Variants in UGT2B4 observed in about 807,000 individuals in gnomAD.
UGT2B4 encodes UDP-glucuronosyltransferase 2B4.
UGT2B4 carries 49 observed loss-of-function variants against 49.8 expected under a neutral mutation model. The observed-to-expected ratio is 0.98, with a 90% CI of 0.78 to 1.25. The LOEUF (loss-of-function observed/expected upper bound fraction) is 1.25, where lower values mean the gene tolerates loss of function less well. Among genes scored for constraint, UGT2B4 ranks in the 50% most tolerant of loss-of-function variants. The pLI is 0.00. For synonymous variants in UGT2B4, 246 were observed against 217.7 expected (o/e 1.13, Z -1.14); for missense variants, 729 against 627.7 (o/e 1.16, Z -1.73).
chr4:69,511,173 A>G (rs1249579523), intron 1 of UGT2B4, among the ~76,000 whole-genome samples: 1 of 151,718 alleles, frequency 6.6e-6, no homozygotes, highest in Non-Finnish European at 1.5e-5. Context: ...GTGTTTTAGT[A>G]GAGATGGGAT....
At chr4:69,486,434 T>C (rs565748476) in intron 4 of UGT2B4, 175 bp downstream of exon 4, 4 of 361,076 alleles carry the variant, frequency 1.1e-5, no homozygotes, top group South Asian at 4.9e-5. Context: ...GTGCATATCA[T>C]AAAATGCCAA....
chr4:69,516,961 T>C (rs1294561957), intron 1 of UGT2B4, among the ~76,000 whole-genome samples: 4 of 152,080 alleles, frequency 2.6e-5, no homozygotes, highest in Non-Finnish European at 1.5e-5. Context: ...CTTTGCCCAA[T>C]TTCCTTGGAG....
upstream of UGT2B4, among the ~76,000 whole-genome samples, chr4:69,497,763 T>C (rs1314612244): frequency 6.6e-6 from 1 of 152,260 alleles, no homozygotes; most frequent in East Asian, 1.9e-4. Flanking sequence ...TTAAATTTAC[T>C]TAATAAAGCA....
intron 2 of UGT2B4, among the ~76,000 whole-genome samples, chr4:69,490,331 T>C (rs1727943779): frequency 6.6e-6 from 1 of 152,178 alleles, no homozygotes; most frequent in African/African-American, 2.4e-5. Flanking sequence ...TGGAACAATT[T>C]TTCCCTGAAA....
chr4:69,523,556 G>T (rs1728893033), intron 1 of UGT2B4, among the ~76,000 whole-genome samples: 1 of 151,914 alleles, frequency 6.6e-6, no homozygotes, highest in South Asian at 2.1e-4. Context: ...ACGGAGTGCT[G>T]TCATCTAGGC....
intron 1 of UGT2B4, among the ~76,000 whole-genome samples, chr4:69,520,118 G>T (rs1728814417): frequency 6.6e-6 from 1 of 151,898 alleles, no homozygotes; most frequent in Non-Finnish European, 1.5e-5. Flanking sequence ...GAAAACACTT[G>T]AAGCAAACTT....
At chr4:69,525,390 G>A (rs985203879) in intron 1 of UGT2B4, among the ~76,000 whole-genome samples, 9 of 152,176 alleles carry the variant, frequency 5.9e-5, no homozygotes, top group African/African-American at 1.9e-4. Context: ...AGGCACTGAT[G>A]TGGTTTCTAC....
At chr4:69,483,393 T>C (rs1207279584) in intron 5 of UGT2B4, among the ~76,000 whole-genome samples, 1 of 152,192 alleles carries the variant, frequency 6.6e-6, no homozygotes, top group Non-Finnish European at 1.5e-5. Context: ...TGTGTGTGTG[T>C]GTTATGTTAC....
rs41297737 is a variant in UGT2B4, at chr4:69,482,349, A to T, written c.1311-1439T>A. Among the ~76,000 whole-genome samples the T allele has an allele frequency of 1.4e-4, 22 of 152,330 alleles. No individual in the cohort carries two copies. In the East Asian group the frequency reaches 4.2e-3, roughly 29 times the overall value. Reference sequence around the variant, plus strand: ...TCTAAAATACACATTTAAGCATAAAACACATAACATAAGTGTACATACGCT... The same window carrying T: ...TCTAAAATACACATTTAAGCATAAATCACATAACATAAGTGTACATACGCT... On this transcript the variant is annotated intron_variant, in intron 5 of 5. Transcript: ENST00000305107.
intron 1 of UGT2B4, among the ~76,000 whole-genome samples, chr4:69,504,159 A>G (rs928474347): frequency 6.6e-6 from 1 of 152,220 alleles, no homozygotes; most frequent in African/African-American, 2.4e-5. Context: ...AAAAAGCCAC[A>G]GTACCTTCCC....
intron 3 of UGT2B4, among the ~76,000 whole-genome samples, chr4:69,488,203 A>G (rs1257836539): frequency 6.6e-6 from 1 of 152,190 alleles, no homozygotes; most frequent in African/African-American, 2.4e-5. Context: ...GAAATAAGGA[A>G]CCTGTTGGTA....
At position 69,493,856 on chromosome 4, in the gene UGT2B4, A is replaced by G. The variant is rs753315357; in HGVS notation, c.722-15T>C. ...AGTGGGTCTTCCTGATGGGGGAAAA[A>G]AAAAGAAAAGATAGATGACACAAGA... On this transcript the variant is annotated splice_polypyrimidine_tract_variant and intron_variant, in intron 1 of 5. Coordinates refer to ENST00000305107, the MANE Select transcript of UGT2B4 (RefSeq NM_021139.3). 2 of 1,581,786 alleles carry G rather than the reference A, an allele frequency of 1.3e-6. No homozygotes were observed. Among genetic ancestry groups the G allele is most frequent in the Admixed American group, 1.9e-5 (1 of 51,926 alleles).
Position 69,485,373 on chromosome 4 carries a change from T to A in UGT2B4, c.1145A>T (p.Glu382Val). 6 of 1,613,936 alleles carry A rather than the reference T, an allele frequency of 3.7e-6. No homozygotes were observed. Among genetic ancestry groups the A allele is most frequent in the Non-Finnish European group, 5.1e-6 (6 of 1,179,854 alleles). Residue 382 changes from glutamate to valine, a missense_variant, in exon 5 of 6, where the codon GAG (glutamate) becomes GTG (valine). By Grantham distance (121) the Glu-to-Val change is moderately radical. Transcript: ENST00000305107. ...CATAGGGATTCCATGGTAGATTGCC[T>A]CATAGATGCCATTGGCTCCACCATG... Reference protein sequence around the residue: ...ITHGGANGIYEAIYHGIPMVG... With the variant: ...ITHGGANGIYVAIYHGIPMVG...
upstream of UGT2B4, among the ~76,000 whole-genome samples, chr4:69,500,606 G>GAAGAAAGAAAGAAAGAAAGAAAGAAAGA (rs61653936): frequency 1.3e-4 from 13 of 99,592 alleles, no homozygotes; most frequent in East Asian, 5.3e-4. Flanking sequence ...AGAAAGCAAG[G>GAAGAAAGAAAGAAAGAAAGAAAGAAAGA]AAGAAAGAAA....
chr4:69,521,667 G>A (rs1251007115), intron 1 of UGT2B4, among the ~76,000 whole-genome samples: 1 of 152,170 alleles, frequency 6.6e-6, no homozygotes, highest in Non-Finnish European at 1.5e-5. Context: ...GCAGCCTGCT[G>A]GGCCAAGTGG....
chr4:69,486,872 A>T lies in UGT2B4; in HGVS notation c.1003-176T>A, dbSNP rs572397959. Reference sequence around the variant, plus strand: ...TTTCCTTAATTTCATAATTAGGTATATAAGGAAATCATGATTTTTCAAAAT... The same window carrying T: ...TTTCCTTAATTTCATAATTAGGTATTTAAGGAAATCATGATTTTTCAAAAT... On this transcript the variant is annotated intron_variant, in intron 3 of 5. Transcript: ENST00000305107. Among the ~76,000 whole-genome samples, 11 of 152,346 alleles carry T rather than the reference A, an allele frequency of 7.2e-5. No homozygotes were observed. The East Asian group carries it at 2.1e-3, about 29-fold the overall frequency.
chr4:69,519,537 A>G (rs1258976556), intron 1 of UGT2B4, among the ~76,000 whole-genome samples: 1 of 152,190 alleles, frequency 6.6e-6, no homozygotes, highest in African/African-American at 2.4e-5. Flanking sequence ...GAGCCCCCAA[A>G]TCACTAAGTC....
intron 1 of UGT2B4, among the ~76,000 whole-genome samples, chr4:69,519,665 GGTCTTCTTT>G (rs1220515709): frequency 1.4e-5 from 2 of 145,284 alleles, no homozygotes; most frequent in Non-Finnish European, 3.1e-5. Context: ...TTCTCACTAG[GGTCTTCTTT>G]GGGTGCACCA....
intron 3 of UGT2B4, among the ~76,000 whole-genome samples, 171 bp from the exon 4 acceptor site, chr4:69,486,867 G>A (rs542634296): frequency 2.0e-5 from 3 of 152,128 alleles, no homozygotes; most frequent in African/African-American, 4.8e-5. Flanking sequence ...TTCATAATTA[G>A]GTATATAAGG....
Sources: allele counts gnomAD v4.1 joint callset (sites outside exome capture counted in the v4.1 genomes callset), GRCh38; gene constraint gnomAD v4.1.1; transcripts MANE v1.5; gene names NCBI Gene and HGNC (gene_info 2026-07-23, HGNC 2026-07-21).